Variants in OTOG observed in about 807,000 individuals in gnomAD.
OTOG encodes otogelin.
OTOG carries 296 observed loss-of-function variants against 313.8 expected under a neutral mutation model. That is an observed-to-expected ratio of 0.94 (90% CI 0.86 to 1.04). The LOEUF is 1.04. Among genes scored for constraint, OTOG ranks in the 50% least tolerant of loss-of-function variants. The pLI is 0.00. For missense variants in OTOG, 3,948 were observed against 3,840.1 expected, an observed-to-expected ratio of 1.03 and a Z score of -0.74; for synonymous variants, 1,533 against 1,554.9, an observed-to-expected ratio of 0.99 and a Z score of 0.33.
At chr11:17,570,440 A>G (rs1852381292) in intron 17 of OTOG, 50 bp downstream of exon 17, 2 of 1,526,388 alleles carry the variant, frequency 1.3e-6, no homozygotes, top group African/African-American at 1.4e-5. Context: ...TGGGCCCCTT[A>G]GGGCTGGGTA....
chr11:17,631,389 T>TGTG lies in OTOG; in HGVS notation c.6713-312_6713-311insTGG, dbSNP rs1428928180. Reference sequence around the variant, plus strand: ...CTCTCTCTCTCTCTCTGTGTGTGTGTGGGGGGGGGTATACATTTTTATATG... The same window carrying TGTG: ...CTCTCTCTCTCTCTCTGTGTGTGTGTGTGGGGGGGGGGTATACATTTTTATATG... On this transcript the variant is annotated intron_variant, in intron 40 of 55. Coordinates refer to ENST00000399397, the MANE Select transcript of OTOG (RefSeq NM_001292063.2). 9.5e-3 allele frequency among the ~76,000 whole-genome samples: 1,101 copies of TGTG among 116,000 alleles called. 28 individuals carry two copies. Among genetic ancestry groups the TGTG allele is most frequent in the African/African-American group, 0.034 (1,063 of 31,186 alleles). 76.1% of individuals were successfully genotyped at this position (116,000 alleles called of 152,430 possible).
At chr11:17,634,448 G>T (rs995343548) in intron 44 of OTOG, among the ~76,000 whole-genome samples, 167 bp downstream of exon 44, 1 of 152,076 alleles carries the variant, frequency 6.6e-6, no homozygotes, top group African/African-American at 2.4e-5. Flanking sequence ...AGGGGCAGAG[G>T]CTCAGGAGTC....
rs1565096779 is a variant in OTOG, at chr11:17,569,227, G to C, written c.1716G>C (p.Leu572=). Residue 572 remains leucine (L), a synonymous_variant, in exon 16 of 56, where the codon CTG becomes CTC. Coordinates refer to ENST00000399397, the MANE Select transcript of OTOG (RefSeq NM_001292063.2). ...AGGACCCTCGGAGGCAGGTGACCCT[G>C]ACCCAGGCAGGGGATGTCCTTCTGT... ...LHQDPRRQVT[L]TQAGDVLLFD... is the part of the protein sequence containing the mutation. 1 of 1,550,582 alleles carries C rather than the reference G, an allele frequency of 6.4e-7. No individual in the cohort carries two copies. The highest frequency in any genetic ancestry group is 1.4e-5 in the African/African-American group (1 of 73,154).
chr11:17,563,854 G>GTTTTTTTTTTTT (rs61373849), intron 15 of OTOG, among the ~76,000 whole-genome samples: 2 of 106,614 alleles, frequency 1.9e-5, no homozygotes, highest in African/African-American at 4.0e-5. Context: ...CTAGTTTTTG[G>GTTTTTTTTTTTT]TTTTTTTTTT....
At chr11:17,620,290 G>A (rs536965431) in intron 39 of OTOG, among the ~76,000 whole-genome samples, 1 of 152,244 alleles carries the variant, frequency 6.6e-6, no homozygotes, top group South Asian at 2.1e-4. Flanking sequence ...TCTGCCTGTT[G>A]CCTCTGGATT....
rs560245018 is a variant in OTOG at position 17,619,494 on chromosome 11, T to C, written c.6528+5793T>C. 3.3e-5 allele frequency among the ~76,000 whole-genome samples: 5 copies of C among 152,328 alleles called. No individual in the cohort carries two copies. In the East Asian group the frequency reaches 9.6e-4, roughly 29 times the overall value. ...TTCCCTCCTTCCTTTTTTTGCCTTCTTTGGATTGTTTTTAATGACTCCATT... is the reference window on the plus strand; with the variant it reads ...TTCCCTCCTTCCTTTTTTTGCCTTCCTTGGATTGTTTTTAATGACTCCATT... On this transcript the variant is annotated intron_variant, in intron 39 of 55. Transcript: ENST00000399397.
chr11:17,595,221 AAC>A (rs1853063541), intron 28 of OTOG, among the ~76,000 whole-genome samples: 1 of 152,092 alleles, frequency 6.6e-6, no homozygotes. Flanking sequence ...AGTGCGCCCT[AAC>A]ACACCCCCAT....
intron 42 of OTOG, 80 bp from the exon 43 acceptor site, chr11:17,633,600 C>T (rs1854185377): frequency 5.3e-6 from 7 of 1,329,306 alleles, no homozygotes; most frequent in Middle Eastern, 4.0e-4. Flanking sequence ...CTCTCCTCAT[C>T]CCCTCCTGTT....
intron 35 of OTOG, 37 bp downstream of exon 35, chr11:17,609,246 T>G (rs1398419256): frequency 2.0e-6 from 3 of 1,524,466 alleles, no homozygotes; most frequent in Non-Finnish European, 1.8e-6. Context: ...CCCTCAGATT[T>G]CCTCTAAGTC....
At chr11:17,624,311 T>C (rs1050727497) in intron 39 of OTOG, among the ~76,000 whole-genome samples, 8 of 152,256 alleles carry the variant, frequency 5.3e-5, no homozygotes, top group African/African-American at 1.9e-4. Flanking sequence ...CTTTAATCTA[T>C]CTTAAGTTAA....
rs539192142 is a variant in OTOG at position 17,594,058 on chromosome 11, G to C, written c.3300G>C (p.Ala1100=). ...QAGPQWQGQL[A]GLCGNFDLKT... ...CTCTCTCCTTTCAGGGCCAGCTGGC[G>C]GGCCTCTGTGGGAACTTTGACTTAA... The change falls in exon 28 of 56, where the codon GCG becomes GCC. Residue 1100 remains alanine (A), a synonymous_variant. Transcript: ENST00000399397. The C allele has an allele frequency of 1.4e-5, 21 of 1,550,528 alleles. No homozygotes were observed. The South Asian group carries it at 1.5e-4, about 11-fold the overall frequency.
At chr11:17,568,830 G>T (rs188097635) in intron 15 of OTOG, among the ~76,000 whole-genome samples, 16 of 152,344 alleles carry the variant, frequency 1.1e-4, no homozygotes, top group East Asian at 3.9e-4. Flanking sequence ...GTGATGAGGT[G>T]GGGGAGGCCA....
At chr11:17,558,679 C>T in intron 10 of OTOG, 35 bp downstream of exon 10, 1 of 1,533,934 alleles carries the variant, frequency 6.5e-7, no homozygotes, top group Non-Finnish European at 8.8e-7. Context: ...GGGGAACCCT[C>T]TAGTATTGGG....
At position 17,591,528 on chromosome 11, in the gene OTOG, C is replaced by T. The variant is rs1172149483; in HGVS notation, c.2946C>T (p.Tyr982=). The change falls in exon 25 of 56, where the codon TAC becomes TAT. Residue 982 remains tyrosine, a synonymous_variant. Coordinates refer to ENST00000399397, the MANE Select transcript of OTOG (RefSeq NM_001292063.2). ...GCACTGCCTATGGGGACCGGCATTA[C>T]CGCACGTTTGATGGGCTCCCGTTTG... is the stretch of plus-strand genomic sequence containing the variant. The part of the protein sequence containing the change: ...STCTAYGDRH[Y]RTFDGLPFDF... The T allele has an allele frequency of 3.2e-6, 5 of 1,550,588 alleles. No homozygotes were observed. In the East Asian group the frequency reaches 7.3e-5, roughly 23 times the overall value.
chr11:17,620,525 C>T (rs1853837690), intron 39 of OTOG, among the ~76,000 whole-genome samples: 1 of 152,102 alleles, frequency 6.6e-6, no homozygotes, highest in Non-Finnish European at 1.5e-5. Context: ...ATATTTTTGG[C>T]TATTTTGAAT....
At position 17,609,857 on chromosome 11, in the gene OTOG, A is replaced by G. The variant is rs1257444041; in HGVS notation, c.4557A>G (p.Pro1519=). Reference sequence around the variant, plus strand: ...CACCAGTGACAGCCACTGAGGAGCCAGTGGTGTCTCCAGGCCCCACCCAGA... The same window carrying G: ...CACCAGTGACAGCCACTGAGGAGCCGGTGGTGTCTCCAGGCCCCACCCAGA... ...LNPPVTATEE[P]VVSPGPTQTT... Residue 1519 remains proline (P), a synonymous_variant, in exon 36 of 56, where the codon CCA becomes CCG. Coordinates refer to ENST00000399397, the MANE Select transcript of OTOG (RefSeq NM_001292063.2). 6.6e-7 allele frequency: 1 copy of G among 1,517,920 alleles called. No individual in the cohort carries two copies. The highest frequency in any genetic ancestry group is 8.9e-7 in the Non-Finnish European group (1 of 1,127,074). 94.0% of individuals were successfully genotyped at this position (1,517,920 alleles called of 1,614,324 possible).
At chr11:17,627,694 G>T (rs1221092108) in intron 39 of OTOG, among the ~76,000 whole-genome samples, 1 of 152,208 alleles carries the variant, frequency 6.6e-6, no homozygotes, top group Non-Finnish European at 1.5e-5. Flanking sequence ...GAAGTCAGCA[G>T]TGAAGCCATC....
At chr11:17,596,777 C>A (rs762894513) in intron 29 of OTOG, 74 bp from the exon 30 acceptor site, 1 of 1,356,238 alleles carries the variant, frequency 7.4e-7, no homozygotes, top group Non-Finnish European at 1.0e-6. Flanking sequence ...TGGTGCTGGT[C>A]GTCATCAGCT....
Position 17,558,554 on chromosome 11 carries a change from G to T in OTOG, c.1013G>T (p.Cys338Phe). The T allele has an allele frequency of 6.4e-7, 1 of 1,550,514 alleles. No homozygotes were observed. Residue 338 changes from cysteine to phenylalanine, a missense_variant, in exon 10 of 56, where the codon TGT becomes TTT. Physicochemically the swap from Cys to Phe is radical, Grantham distance 205. Coordinates refer to ENST00000399397, the MANE Select transcript of OTOG (RefSeq NM_001292063.2). ...TTGCTCTAGGGCGTGTACGAGCAGT[G>T]TGAGGCTCTACTGCGGCCCCCCTTT... Reference protein sequence around the residue: ...PGTMQGVYEQCEALLRPPFDA... With the variant: ...PGTMQGVYEQFEALLRPPFDA...
Sources: allele counts gnomAD v4.1 joint callset (sites outside exome capture counted in the v4.1 genomes callset), GRCh38; gene constraint gnomAD v4.1.1; transcripts MANE v1.5; gene names NCBI Gene and HGNC (gene_info 2026-07-23, HGNC 2026-07-21).